The following ROPN1L variants were observed in gnomAD, a reference collection of about 807,000 sequenced individuals.
ROPN1L encodes the protein ropporin-1-like protein.
ROPN1L carries 23 observed loss-of-function variants against 22.7 expected under a neutral mutation model. That is an observed-to-expected ratio of 1.01 (90% confidence interval 0.73 to 1.43). The LOEUF (loss-of-function observed/expected upper bound fraction) is 1.43, where lower values mean the gene tolerates loss of function less well. ROPN1L is among the 40% of genes most tolerant of loss of function. The pLI is 0.00. For missense variants in ROPN1L, 271 were observed against 291.5 expected (o/e 0.93, Z 0.51); for synonymous variants, 116 against 117.8 (o/e 0.98, Z 0.10).
At chr5:10,445,615 G>A (rs547215011) in intron 1 of ROPN1L, among the ~76,000 whole-genome samples, 19 of 152,258 alleles carry the variant, frequency 1.2e-4, no homozygotes, top group East Asian at 3.9e-4. Flanking sequence ...GGATACCCAC[G>A]GACATAACTG....
chr5:10,474,902 T>G (rs1735299353), downstream of ROPN1L, among the ~76,000 whole-genome samples: 1 of 151,812 alleles, frequency 6.6e-6, no homozygotes, highest in Non-Finnish European at 1.5e-5. Context: ...TATTTTAAAG[T>G]CATGTTTTGA....
intron 4 of ROPN1L, among the ~76,000 whole-genome samples, chr5:10,463,605 A>G (rs1366702613): frequency 6.6e-6 from 1 of 152,094 alleles, no homozygotes; most frequent in African/African-American, 2.4e-5. Flanking sequence ...AGTGCTGGTT[A>G]TGGTTTGTCC....
intron 1 of ROPN1L, among the ~76,000 whole-genome samples, chr5:10,443,404 T>G (rs546653560): frequency 4.6e-5 from 7 of 151,168 alleles, no homozygotes; most frequent in Non-Finnish European, 1.0e-4. Flanking sequence ...GGGTGGATCA[T>G]GAGGTCAGGA....
intron 1 of ROPN1L, among the ~76,000 whole-genome samples, chr5:10,442,827 G>T (rs140302509): frequency 2.2e-4 from 33 of 152,328 alleles, no homozygotes; most frequent in Middle Eastern, 6.8e-3. Flanking sequence ...TCCAGCAAAT[G>T]AAGCTTCACA....
intron 4 of ROPN1L, among the ~76,000 whole-genome samples, chr5:10,463,277 A>C (rs1735076071): frequency 6.6e-6 from 1 of 152,236 alleles, no homozygotes; most frequent in Non-Finnish European, 1.5e-5. Context: ...CAGAGTAAAA[A>C]GGAACAAAGC....
chr5:10,444,343 T>G (rs976654599), intron 1 of ROPN1L, among the ~76,000 whole-genome samples: 2 of 152,128 alleles, frequency 1.3e-5, no homozygotes, highest in African/African-American at 4.8e-5. Flanking sequence ...CAGGCTGGAG[T>G]GCAATGGCGA....
the ROPN1L span, chr5:10,479,332 C>A: frequency 6.6e-6 from 1 of 152,206 alleles, no homozygotes; most frequent in South Asian, 2.1e-4. Context: ...GCCCAGCCCC[C>A]CAGATGTGAT....
downstream of ROPN1L, among the ~76,000 whole-genome samples, chr5:10,476,612 ACTTTT>A (rs1735321155): frequency 6.6e-6 from 1 of 152,184 alleles, no homozygotes; most frequent in Non-Finnish European, 1.5e-5. Context: ...GTTTTAAAGA[ACTTTT>A]CTTGTGTTTC....
At chr5:10,453,894 T>C (rs758339821) in intron 3 of ROPN1L, among the ~76,000 whole-genome samples, 11 of 152,142 alleles carry the variant, frequency 7.2e-5, no homozygotes, top group African/African-American at 1.4e-4. Flanking sequence ...CGGGCAAACA[T>C]CACCAGACTC....
chr5:10,456,419 C>T (rs1159243864), intron 3 of ROPN1L, among the ~76,000 whole-genome samples: 9 of 152,260 alleles, frequency 5.9e-5, no homozygotes, highest in Middle Eastern at 3.4e-3. Flanking sequence ...ACCCAGGAGG[C>T]GGAGGTTGCA....
downstream of ROPN1L, among the ~76,000 whole-genome samples, chr5:10,469,561 G>T (rs529072542): frequency 1.3e-3 from 200 of 152,330 alleles, 1 homozygote; most frequent in African/African-American, 4.6e-3. Flanking sequence ...TAATTGCAGT[G>T]TGGGGAGGGG....
intron 3 of ROPN1L, among the ~76,000 whole-genome samples, chr5:10,459,274 C>T (rs1166036535): frequency 3.9e-5 from 6 of 152,048 alleles, no homozygotes; most frequent in Admixed American, 2.0e-4. Context: ...ATTCCAGCAG[C>T]CTCCTTGCCA....
rs769075460 is a variant in ROPN1L, at chr5:10,464,985, CTT to C, written c.*40_*41del. ...TACATTTTAATGTCAAAATAGTGCTCTTTAAAATTCTGGCACCAAATACAACT... is the reference window on the plus strand; with the variant it reads ...TACATTTTAATGTCAAAATAGTGCTCTAAAATTCTGGCACCAAATACAACT... On this transcript the variant is annotated 3_prime_UTR_variant, in exon 5 of 5. Coordinates refer to ENST00000274134, the MANE Select transcript of ROPN1L (RefSeq NM_031916.5). The C allele has an allele frequency of 1.6e-6, 2 of 1,256,792 alleles. No individual in the cohort carries two copies. Among genetic ancestry groups the C allele is most frequent in the South Asian group, 2.7e-5 (2 of 73,248 alleles). 77.9% of individuals were successfully genotyped at this position (1,256,792 alleles called of 1,614,324 possible).
At chr5:10,481,331 G>A in the ROPN1L span, among the ~76,000 whole-genome samples, 4 of 152,364 alleles carry the variant, frequency 2.6e-5, no homozygotes, top group South Asian at 2.1e-4. Flanking sequence ...GGCCACGAGC[G>A]TTGTTAGCAG....
At chr5:10,477,428 C>T in the ROPN1L span, among the ~76,000 whole-genome samples, 1 of 152,126 alleles carries the variant, frequency 6.6e-6, no homozygotes, top group South Asian at 2.1e-4. Flanking sequence ...GCAAAGCGGT[C>T]CTACTACAGG....
chr5:10,476,286 G>A (rs1350144763), downstream of ROPN1L, among the ~76,000 whole-genome samples: 4 of 152,224 alleles, frequency 2.6e-5, no homozygotes, highest in African/African-American at 9.6e-5. Flanking sequence ...ATGATTGCGT[G>A]TAAACTCCAG....
At chr5:10,443,366 T>TA (rs11372350) in intron 1 of ROPN1L, among the ~76,000 whole-genome samples, 100,108 of 151,550 alleles carry the variant, frequency 0.66, 39,310 homozygotes, top group Non-Finnish European at 0.89. Context: ...CTCACGCCTG[T>TA]AATCCCAGCA....
chr5:10,448,222 G>T, intron 1 of ROPN1L, 38 bp from the exon 2 acceptor site: 1 of 1,610,260 alleles, frequency 6.2e-7, no homozygotes, highest in South Asian at 1.1e-5. Flanking sequence ...TGTTTTTTGT[G>T]TATTGATGAG....
At chr5:10,450,999 G>C (rs1741236602) in intron 3 of ROPN1L, among the ~76,000 whole-genome samples, 1 of 152,222 alleles carries the variant, frequency 6.6e-6, no homozygotes, top group Non-Finnish European at 1.5e-5. Flanking sequence ...AGTCTTCTCA[G>C]CTAAAGTCTT....
Sources: gnomAD v4.1 joint callset for allele counts (sites outside exome capture counted in the v4.1 genomes callset) on GRCh38, gnomAD v4.1.1 for gene constraint, MANE v1.5 for transcripts, NCBI Gene and HGNC (gene_info 2026-07-23, HGNC 2026-07-21) for gene names.